Variants in EPHA6 observed in about 807,000 individuals in gnomAD.
EPHA6 encodes the protein EPH receptor A6, also known as ephrin type-A receptor 6.
EPHA6 carries 50 observed loss-of-function variants against 112.0 expected under a neutral mutation model. That is an observed-to-expected ratio of 0.45 (90% CI 0.36 to 0.56). The LOEUF is 0.56. Among genes scored for constraint, EPHA6 ranks in the 20% least tolerant of loss-of-function variants. EPHA6 has a pLI of 0.00. For missense variants in EPHA6, 1,280 were observed against 1,417.4 expected, an observed-to-expected ratio of 0.90 and a Z score of 1.56; for synonymous variants, 529 against 490.7, an observed-to-expected ratio of 1.08 and a Z score of -1.03.
intron 6 of EPHA6, among the ~76,000 whole-genome samples, chr3:97,415,653 G>C (rs1472138233): frequency 7.9e-5 from 12 of 152,026 alleles, no homozygotes. Context: ...TAAAGCACTT[G>C]TCTTTGAATT....
intron 14 of EPHA6, among the ~76,000 whole-genome samples, chr3:97,678,621 C>T (rs1560258681): frequency 6.6e-6 from 1 of 152,172 alleles, no homozygotes; most frequent in Non-Finnish European, 1.5e-5. Context: ...CTTTATTAGC[C>T]TCTTGACCTG....
At chr3:97,615,843 C>T (rs1294817283) in intron 13 of EPHA6, among the ~76,000 whole-genome samples, 1 of 152,076 alleles carries the variant, frequency 6.6e-6, no homozygotes, top group Non-Finnish European at 1.5e-5. Flanking sequence ...TATGGAGAGC[C>T]CAGAAAGGGG....
chr3:97,260,960 C>T (rs2079481453), intron 5 of EPHA6, among the ~76,000 whole-genome samples: 1 of 152,176 alleles, frequency 6.6e-6, no homozygotes, highest in Non-Finnish European at 1.5e-5. Flanking sequence ...GCAAACACCA[C>T]AACCACAGTG....
intron 11 of EPHA6, among the ~76,000 whole-genome samples, chr3:97,586,871 A>C (rs184463904): frequency 6.6e-6 from 1 of 152,214 alleles, no homozygotes; most frequent in Non-Finnish European, 1.5e-5. Flanking sequence ...TGTAGCTCAG[A>C]GGTACCAGAG....
intron 15 of EPHA6, among the ~76,000 whole-genome samples, chr3:97,725,810 A>C (rs2034742188): frequency 6.6e-6 from 1 of 152,066 alleles, no homozygotes; most frequent in South Asian, 2.1e-4. Context: ...CGTCATCAAC[A>C]TAAGATGGAG....
chr3:97,605,020 T>C (rs2093670292), intron 12 of EPHA6, among the ~76,000 whole-genome samples: 1 of 151,540 alleles, frequency 6.6e-6, no homozygotes, highest in African/African-American at 2.4e-5. Flanking sequence ...AAAGCCACTT[T>C]AGAATGGGAG....
chr3:96,909,689 AC>A (rs1217225632), intron 2 of EPHA6, among the ~76,000 whole-genome samples: 2 of 151,974 alleles, frequency 1.3e-5, no homozygotes, highest in African/African-American at 4.8e-5. Flanking sequence ...CTTATGAGGA[AC>A]CCTTATAGTG....
At chr3:97,469,500 C>T (rs1400355180) in intron 7 of EPHA6, among the ~76,000 whole-genome samples, 1 of 151,680 alleles carries the variant, frequency 6.6e-6, no homozygotes, top group African/African-American at 2.4e-5. Flanking sequence ...TCAACTAAAT[C>T]ACATAATTGA....
chr3:97,694,395 G>A (rs1326557652), intron 14 of EPHA6, among the ~76,000 whole-genome samples: 2 of 151,900 alleles, frequency 1.3e-5, no homozygotes, highest in African/African-American at 4.8e-5. Flanking sequence ...AGCCACCATG[G>A]CCGGCTAATT....
intron 3 of EPHA6, among the ~76,000 whole-genome samples, chr3:97,033,721 T>A (rs1175168248): frequency 1.3e-5 from 2 of 151,970 alleles, no homozygotes; most frequent in East Asian, 3.9e-4. Flanking sequence ...AAATAATAAA[T>A]TAATGTTCAT....
At chr3:97,324,511 CTCTT>C (rs778298984) in intron 5 of EPHA6, among the ~76,000 whole-genome samples, 586 of 23,388 alleles carry the variant, frequency 0.025, 14 homozygotes, top group African/African-American at 0.085. Flanking sequence ...TCATCTCTTT[CTCTT>C]TCTTTCTTTC....
chr3:97,246,402 T>C (rs1259278922), intron 5 of EPHA6, among the ~76,000 whole-genome samples: 1 of 151,882 alleles, frequency 6.6e-6, no homozygotes, highest in Non-Finnish European at 1.5e-5. Context: ...TGTCTCTGCT[T>C]ATCAAAAGGA....
At chr3:96,905,352 C>A (rs549286781) in intron 2 of EPHA6, among the ~76,000 whole-genome samples, 5 of 151,600 alleles carry the variant, frequency 3.3e-5, no homozygotes, top group South Asian at 2.1e-4. Context: ...TTACCTTTTT[C>A]TTTTTTCTTA....
chr3:97,201,268 G>A (rs2077570907), intron 3 of EPHA6, among the ~76,000 whole-genome samples: 2 of 152,102 alleles, frequency 1.3e-5, no homozygotes, highest in African/African-American at 4.8e-5. Context: ...AATCACTGAT[G>A]TATTTACTCA....
At chr3:97,719,589 C>A (rs1242978439) in intron 14 of EPHA6, among the ~76,000 whole-genome samples, 1 of 152,060 alleles carries the variant, frequency 6.6e-6, no homozygotes, top group Admixed American at 6.6e-5. Flanking sequence ...GACTTTAATT[C>A]TTGAACCTTT....
intron 11 of EPHA6, among the ~76,000 whole-genome samples, chr3:97,577,304 TA>T (rs771032238): frequency 3.3e-5 from 5 of 152,170 alleles, no homozygotes; most frequent in Non-Finnish European, 7.4e-5. Flanking sequence ...TTATCCAAAG[TA>T]AACAAATCTA....
rs758193659 is a variant in EPHA6 at position 97,475,458 on chromosome 3, G to A, written c.2001G>A (p.Gly667=). ...VILTLFFLIT[G]RCQWYIKAKM... ...TCACTTTATTCTTCTTGATCACTGG[G>A]AGGTAACTGAAACATACCATACTAT... The change falls in exon 8 of 18, where the codon GGG becomes GGA. Residue 667 remains glycine (G), a splice_region_variant and synonymous_variant. Coordinates refer to ENST00000389672, the MANE Select transcript of EPHA6 (RefSeq NM_001080448.3). The A allele has an allele frequency of 1.2e-6, 2 of 1,601,870 alleles. No individual in the cohort carries two copies. Among genetic ancestry groups the A allele is most frequent in the East Asian group, 2.2e-5 (1 of 44,748 alleles).
In EPHA6 at chr3:96,962,022, TA is replaced by T. The variant is rs1206484136; in HGVS notation, c.451-25304del. On this transcript the variant is annotated intron_variant, in intron 2 of 17. Transcript: ENST00000389672. ...TACCAGGACATTTGAGGAAATCACA[TA>T]AAACACGTCTCATGTACTAAATTCC... is the stretch of plus-strand genomic sequence containing the variant. Among the ~76,000 whole-genome samples, 7 of 152,138 alleles carry T rather than the reference TA, an allele frequency of 4.6e-5. 2 individuals are homozygous for T. The highest frequency in any genetic ancestry group is 4.4e-5 in the Non-Finnish European group (3 of 68,022).
chr3:97,664,439 C>G (rs1443023404), intron 14 of EPHA6, among the ~76,000 whole-genome samples: 2 of 152,164 alleles, frequency 1.3e-5, no homozygotes, highest in African/African-American at 4.8e-5. Flanking sequence ...CTCACCACTC[C>G]TATTCAACAT....
Sources: gnomAD v4.1 joint callset for allele counts (sites outside exome capture counted in the v4.1 genomes callset) on GRCh38, gnomAD v4.1.1 for gene constraint, MANE v1.5 for transcripts, NCBI Gene and HGNC (gene_info 2026-07-23, HGNC 2026-07-21) for gene names.